ANKRD36C: variants seen among roughly 807,000 people sequenced by gnomAD.
The protein encoded by ANKRD36C is ankyrin repeat domain 36C, also known as ankyrin repeat domain-containing protein 36C.
A neutral mutation model predicts 276.4 loss-of-function variants in ANKRD36C; 61 were observed. That is an observed-to-expected ratio of 0.22 (90% CI 0.18 to 0.27). The LOEUF is 0.27. ANKRD36C is among the 10% of genes least tolerant of loss of function. The pLI is 1.00. For synonymous variants in ANKRD36C, 483 were observed against 680.1 expected, an observed-to-expected ratio of 0.71 and a Z score of 4.51; for missense variants, 1,447 against 2,032.3, an observed-to-expected ratio of 0.71 and a Z score of 5.54.
At chr2:95,913,220 A>G (rs1486265384) in intron 40 of ANKRD36C, among the ~76,000 whole-genome samples, 1 of 149,548 alleles carries the variant, frequency 6.7e-6, no homozygotes. Context: ...AAATCACTGC[A>G]ATATTCATTG....
rs561179290 is a variant in ANKRD36C, at chr2:95,890,739, G to C, written c.2858-745C>G. Among the ~76,000 whole-genome samples the C allele has an allele frequency of 1.6e-4, 24 of 151,636 alleles. 1 individual carries two copies. Among genetic ancestry groups the C allele is most frequent in the African/African-American group, 5.8e-4 (24 of 41,464 alleles). On this transcript the variant is annotated intron_variant, in intron 46 of 66. Coordinates refer to ENST00000456556, the Ensembl canonical transcript of ANKRD36C. ...CAAAGTAAAACTGCTACAAGCATTA[G>C]ATATTAATCAGTTTTTCATTCAGAA... is the stretch of plus-strand genomic sequence containing the variant.
In ANKRD36C at chr2:95,983,584, CATTTATTT is replaced by C. The variant is rs201816275; in HGVS notation, c.487-1230_487-1223del. On this transcript the variant is annotated intron_variant, in intron 3 of 66. Transcript: ENST00000456556. ...GTGAAAGCCACTAAATTATTTGCAT[CATTTATTT>C]ATTTATTTATTTATTTATTTATTTA... Among the ~76,000 whole-genome samples, 1,481 of 148,746 alleles carry C rather than the reference CATTTATTT, an allele frequency of 1.0e-2. 12 individuals are homozygous for C. The highest frequency in any genetic ancestry group is 0.014 in the Middle Eastern group (4 of 288).
In ANKRD36C at chr2:95,897,371, A is replaced by T. The variant is rs780617589; in HGVS notation, c.2755+1774T>A. ...AATGGAATTTGAAATGAAATAATAAATTAATAAAGTATGTTTCATAGACTA... is the reference window on the plus strand; with the variant it reads ...AATGGAATTTGAAATGAAATAATAATTTAATAAAGTATGTTTCATAGACTA... On this transcript the variant is annotated intron_variant, in intron 44 of 66. Transcript: ENST00000456556. 13 of 1,554,656 alleles carry T rather than the reference A, an allele frequency of 8.4e-6. No homozygotes were observed. In the African/African-American group the frequency reaches 1.2e-4, roughly 15 times the overall value.
At chr2:95,893,836 C>A in intron 44 of ANKRD36C, 112 bp from the exon 63 acceptor site, 2 of 1,370,538 alleles carry the variant, frequency 1.5e-6, no homozygotes, top group East Asian at 4.7e-5. Context: ...TTAGCGTAGG[C>A]TTTAATGGCT....
intron 6 of ANKRD36C, among the ~76,000 whole-genome samples, chr2:95,971,046 A>C (rs1479607165): frequency 2.6e-5 from 4 of 152,184 alleles, no homozygotes; most frequent in Non-Finnish European, 5.9e-5. Context: ...TGGATGGCTT[A>C]ATTGAATACA....
chr2:95,931,165 C>A (rs1229632152), intron 24 of ANKRD36C, among the ~76,000 whole-genome samples: 1 of 151,756 alleles, frequency 6.6e-6, no homozygotes. Flanking sequence ...CATTCTGACA[C>A]ATGTGAAGAT....
At chr2:95,858,702 C>T (rs62156917) in intron 61 of ANKRD36C, among the ~76,000 whole-genome samples, 15 of 152,260 alleles carry the variant, frequency 9.9e-5, no homozygotes, top group South Asian at 2.1e-4. Context: ...ATAGCATTTT[C>T]GATGTCTTTA....
At chr2:95,889,453 G>A (rs1301788668) in intron 48 of ANKRD36C, among the ~76,000 whole-genome samples, 2 of 151,440 alleles carry the variant, frequency 1.3e-5, no homozygotes, top group Non-Finnish European at 3.0e-5. Context: ...ACAATCTGAC[G>A]CCTCTAATAT....
chr2:95,941,793 G>C (rs987383861), intron 19 of ANKRD36C, among the ~76,000 whole-genome samples: 9 of 152,078 alleles, frequency 5.9e-5, no homozygotes, highest in Non-Finnish European at 1.2e-4. Context: ...CACCCTGAAA[G>C]ACATATATAG....
At position 95,893,599 on chromosome 2, in the gene ANKRD36C, C is replaced by T. The variant is rs768727001; in HGVS notation, c.2756-1739G>A. The T allele has an allele frequency of 1.9e-4, 294 of 1,581,578 alleles. 4 individuals are homozygous for T. The highest frequency in any genetic ancestry group is 9.3e-4 in the East Asian group (40 of 42,978). On this transcript the variant is annotated intron_variant, in intron 44 of 66. Transcript: ENST00000456556. ...TTCAAAACAGAATCTTCCTCGTCAC[C>T]TGTAGCCTGAATGGAATTTGAAATG...
chr2:95,852,520 A>G, intron 64 of ANKRD36C: 1 of 241,594 alleles, frequency 4.1e-6, no homozygotes. Context: ...AAGTTCACAG[A>G]CCCCTGCTCT....
chr2:95,910,024 T>G (rs1436087040), intron 42 of ANKRD36C, among the ~76,000 whole-genome samples: 1 of 151,364 alleles, frequency 6.6e-6, no homozygotes, highest in Non-Finnish European at 1.5e-5. Flanking sequence ...CAGTACGATG[T>G]GACGTCTGTA....
chr2:95,928,383 T>C (rs1384823013), intron 26 of ANKRD36C, among the ~76,000 whole-genome samples: 1 of 151,616 alleles, frequency 6.6e-6, no homozygotes, highest in Non-Finnish European at 1.5e-5. Flanking sequence ...CCAGAAAACA[T>C]GTATCTCTGA....
At chr2:95,948,824 T>C (rs900716525) in intron 16 of ANKRD36C, among the ~76,000 whole-genome samples, 5 of 152,074 alleles carry the variant, frequency 3.3e-5, no homozygotes, top group African/African-American at 4.8e-5. Flanking sequence ...TCCCAACCTA[T>C]GAAATATCCA....
intron 13 of ANKRD36C, among the ~76,000 whole-genome samples, chr2:95,954,614 G>T (rs1419018169): frequency 6.6e-6 from 1 of 152,156 alleles, no homozygotes; most frequent in Non-Finnish European, 1.5e-5. Flanking sequence ...AAAAGTCAAA[G>T]TACAAATGTA....
chr2:95,912,139 C>T (rs569481588), intron 42 of ANKRD36C, 105 bp downstream of exon 44: 45 of 1,452,194 alleles, frequency 3.1e-5, no homozygotes, highest in South Asian at 1.0e-4. Context: ...CTCAGGCCTG[C>T]TGAATCAGAA....
intron 64 of ANKRD36C, 78 bp from the exon 85 acceptor site, chr2:95,852,274 G>A (rs4907282): frequency 0.33 from 304,590 of 921,398 alleles, 55,637 homozygotes; most frequent in East Asian, 0.62. Flanking sequence ...TCAACAAAAT[G>A]TATATAAAAT....
At chr2:95,910,426 T>A in intron 42 of ANKRD36C, 2 of 1,560,862 alleles carry the variant, frequency 1.3e-6, no homozygotes, top group Non-Finnish European at 1.7e-6. Flanking sequence ...CAAAACAGAA[T>A]CTTCCTCGTC....
chr2:95,925,420 A>G (rs1169394251), exon 30 of ANKRD36C: 1 of 1,554,670 alleles, frequency 6.4e-7, no homozygotes, highest in Non-Finnish European at 8.7e-7. Context: ...CTTTTTAAAT[A>G]TAACCTGAAT....
Sources: gnomAD v4.1 joint callset for allele counts (sites outside exome capture counted in the v4.1 genomes callset) on GRCh38, gnomAD v4.1.1 for gene constraint, MANE v1.5 for transcripts, NCBI Gene and HGNC (gene_info 2026-07-23, HGNC 2026-07-21) for gene names.